Variants in ADAMTS6 observed in about 807,000 individuals in gnomAD.
ADAMTS6 encodes ADAM metallopeptidase with thrombospondin type 1 motif 6.
Under a neutral mutation model 144.3 loss-of-function variants are expected in ADAMTS6, and 23 were observed. That is an observed-to-expected ratio of 0.16 (90% CI 0.11 to 0.23). ADAMTS6 has a LOEUF of 0.23. ADAMTS6 is among the 10% of genes least tolerant of loss of function. The pLI is 1.00. For synonymous variants in ADAMTS6, 444 were observed against 457.5 expected, an observed-to-expected ratio of 0.97 and a Z score of 0.38; for missense variants, 999 against 1,379.6, an observed-to-expected ratio of 0.72 and a Z score of 4.37.
At chr5:65,398,858 GAGAA>G (rs1298410745) in intron 7 of ADAMTS6, among the ~76,000 whole-genome samples, 142 of 149,884 alleles carry the variant, frequency 9.5e-4, no homozygotes, top group Middle Eastern at 6.8e-3. Flanking sequence ...GAAAAAGAAA[GAGAA>G]AGAAAGAAAG....
At chr5:65,158,443 G>A (rs771195777) in intron 24 of ADAMTS6, among the ~76,000 whole-genome samples, 2 of 152,070 alleles carry the variant, frequency 1.3e-5, no homozygotes, top group East Asian at 1.9e-4. Flanking sequence ...CATGAATCAC[G>A]ACCTGACAGC....
intron 7 of ADAMTS6, among the ~76,000 whole-genome samples, chr5:65,360,694 T>C (rs535546546): frequency 5.3e-5 from 8 of 152,256 alleles, no homozygotes. Flanking sequence ...TTCAAGACCA[T>C]TTTTCTTATT....
At chr5:65,303,194 C>A (rs761025021) in intron 9 of ADAMTS6, among the ~76,000 whole-genome samples, 41 of 152,224 alleles carry the variant, frequency 2.7e-4, no homozygotes, top group Non-Finnish European at 4.6e-4. Flanking sequence ...TAAAACTATT[C>A]TTTGATGATA....
At position 65,196,522 on chromosome 5, in the gene ADAMTS6, CAAAAAA is replaced by C. The variant is rs533444182; in HGVS notation, c.2705+494_2705+499del. On this transcript the variant is annotated intron_variant, in intron 21 of 24. Transcript: ENST00000381055. ...TGGGCGACAGAGCGAGACTCCGTCT[CAAAAAA>C]AAAAAAAAAAAAAAAAAAAAAAAAG... is the stretch of plus-strand genomic sequence containing the variant. 3.9e-4 allele frequency among the ~76,000 whole-genome samples: 15 copies of C among 38,030 alleles called. No homozygotes were observed. The East Asian group carries it at 5.1e-3, about 13-fold the overall frequency. 24.9% of individuals were successfully genotyped at this position (38,030 alleles called of 152,430 possible).
intron 23 of ADAMTS6, among the ~76,000 whole-genome samples, chr5:65,171,056 C>T (rs560200368): frequency 2.5e-4 from 38 of 151,374 alleles, no homozygotes; most frequent in African/African-American, 9.2e-4. Context: ...GTCGCTCAGG[C>T]TGGAGTGCAG....
intron 12 of ADAMTS6, 66 bp downstream of exon 12, chr5:65,273,274 A>C: frequency 2.2e-6 from 3 of 1,349,028 alleles, no homozygotes; most frequent in Non-Finnish European, 3.2e-6. Flanking sequence ...TGGTGGTTGA[A>C]TATCAGTACC....
intron 15 of ADAMTS6, among the ~76,000 whole-genome samples, chr5:65,241,227 C>CT (rs58991614): frequency 0.027 from 3,165 of 116,290 alleles, 124 homozygotes; most frequent in African/African-American, 0.068. Context: ...AGTATATTTC[C>CT]TTTTTTTTTT....
intron 3 of ADAMTS6, among the ~76,000 whole-genome samples, chr5:65,469,354 G>A (rs895852106): frequency 6.6e-6 from 1 of 152,046 alleles, no homozygotes; most frequent in Non-Finnish European, 1.5e-5. Context: ...GTTCTTGAAT[G>A]TGCTCATTTC....
At chr5:65,195,117 C>T (rs922788665) in intron 21 of ADAMTS6, among the ~76,000 whole-genome samples, 3 of 152,108 alleles carry the variant, frequency 2.0e-5, no homozygotes, top group East Asian at 1.9e-4. Flanking sequence ...AGAGAATTAA[C>T]GTAATAGACT....
At chr5:65,462,831 C>T (rs1251735126) in intron 3 of ADAMTS6, among the ~76,000 whole-genome samples, 1 of 152,094 alleles carries the variant, frequency 6.6e-6, no homozygotes, top group African/African-American at 2.4e-5. Context: ...CCTGTAATCC[C>T]AGCACTTTGG....
chr5:65,439,128 C>T (rs1757675318), intron 7 of ADAMTS6, among the ~76,000 whole-genome samples: 1 of 130,278 alleles, frequency 7.7e-6, no homozygotes, highest in Non-Finnish European at 1.7e-5. Context: ...GAAAGGAAAC[C>T]TCCAAATCTG....
intron 3 of ADAMTS6, among the ~76,000 whole-genome samples, chr5:65,469,582 G>A (rs903244799): frequency 2.6e-5 from 4 of 152,138 alleles, no homozygotes; most frequent in Non-Finnish European, 5.9e-5. Flanking sequence ...CTAGTAATGA[G>A]TATACTCAAT....
chr5:65,388,386 G>A (rs1181682724), intron 7 of ADAMTS6, among the ~76,000 whole-genome samples: 1 of 152,184 alleles, frequency 6.6e-6, no homozygotes, highest in Non-Finnish European at 1.5e-5. Flanking sequence ...ATGAGGTACA[G>A]GGGATGAAGT....
chr5:65,299,887 A>G, intron 10 of ADAMTS6, 98 bp downstream of exon 10: 1 of 1,364,630 alleles, frequency 7.3e-7, no homozygotes, highest in Non-Finnish European at 9.9e-7. Flanking sequence ...GCCCTATAAA[A>G]CTTACTCATT....
At chr5:65,294,996 A>G (rs1011015868) in intron 10 of ADAMTS6, among the ~76,000 whole-genome samples, 1 of 152,162 alleles carries the variant, frequency 6.6e-6, no homozygotes, top group Non-Finnish European at 1.5e-5. Flanking sequence ...CTTTTGCTCA[A>G]CATTGTGAAT....
intron 13 of ADAMTS6, among the ~76,000 whole-genome samples, chr5:65,262,272 AGTG>A (rs1172880960): frequency 1.3e-5 from 2 of 152,174 alleles, no homozygotes; most frequent in African/African-American, 2.4e-5. Context: ...TGGGGAGAAA[AGTG>A]GTGGCAGCTC....
chr5:65,196,953 A>T, intron 21 of ADAMTS6, 69 bp downstream of exon 21: 1 of 1,532,126 alleles, frequency 6.5e-7, no homozygotes, highest in East Asian at 2.3e-5. Context: ...TATATTTCCA[A>T]ACATGAATAC....
chr5:65,406,644 C>T (rs757737960), intron 7 of ADAMTS6, among the ~76,000 whole-genome samples: 1 of 151,998 alleles, frequency 6.6e-6, no homozygotes, highest in Non-Finnish European at 1.5e-5. Flanking sequence ...TTTGGTATCA[C>T]GATGATACTG....
At chr5:65,381,348 A>T (rs1456658248) in intron 7 of ADAMTS6, among the ~76,000 whole-genome samples, 1 of 151,628 alleles carries the variant, frequency 6.6e-6, no homozygotes, top group Non-Finnish European at 1.5e-5. Context: ...CAAAATGGAA[A>T]CTATGAAGGA....
Sources: gnomAD v4.1 joint callset for allele counts (sites outside exome capture counted in the v4.1 genomes callset) on GRCh38, gnomAD v4.1.1 for gene constraint, MANE v1.5 for transcripts, NCBI Gene and HGNC (gene_info 2026-07-23, HGNC 2026-07-21) for gene names.